The following PHF24 variants were observed in gnomAD, a reference collection of about 807,000 sequenced individuals.
The protein encoded by PHF24 is PHD finger protein 24, also known as Galpha inhibitory interacting protein.
A neutral mutation model predicts 42.6 loss-of-function variants in PHF24; 25 were observed. That is an observed-to-expected ratio of 0.59 (90% CI 0.43 to 0.82). The LOEUF is 0.82. PHF24 is among the 40% of genes least tolerant of loss of function. The pLI is 0.00. For synonymous variants in PHF24, 185 were observed against 204.8 expected (o/e 0.90, Z 0.83); for missense variants, 470 against 538.1 (o/e 0.87, Z 1.25).
chr9:34,876,124 A>G, the PHF24 span, among the ~76,000 whole-genome samples: 1 of 152,128 alleles, frequency 6.6e-6, no homozygotes, highest in Admixed American at 6.6e-5. Flanking sequence ...TACACTTACC[A>G]TATGACCTAG....
At chr9:34,859,513 C>T in the PHF24 span, among the ~76,000 whole-genome samples, 1 of 152,142 alleles carries the variant, frequency 6.6e-6, no homozygotes, top group South Asian at 2.1e-4. Flanking sequence ...TTTTCTAGAC[C>T]TTTGACTGTT....
the PHF24 span, among the ~76,000 whole-genome samples, chr9:34,770,835 C>T: frequency 7.9e-5 from 12 of 151,230 alleles, no homozygotes; most frequent in Non-Finnish European, 1.2e-4. Context: ...TTATTGTGGC[C>T]GGGCATGGTG....
the PHF24 span, among the ~76,000 whole-genome samples, chr9:34,687,819 G>C: frequency 0.27 from 41,057 of 152,120 alleles, 5,595 homozygotes; most frequent in South Asian, 0.31. Flanking sequence ...TGCGGGGCAC[G>C]GGGTCCACAG....
chr9:34,946,102 A>G, the PHF24 span, among the ~76,000 whole-genome samples: 1 of 152,232 alleles, frequency 6.6e-6, no homozygotes, highest in East Asian at 1.9e-4. Flanking sequence ...GAGATAGGAA[A>G]GGCATATTCT....
intron 1 of PHF24, among the ~76,000 whole-genome samples, chr9:34,968,134 G>A (rs1239828689): frequency 2.0e-5 from 3 of 152,152 alleles, no homozygotes; most frequent in African/African-American, 7.2e-5. Flanking sequence ...TGCTATTTTT[G>A]TTAATATGTT....
At chr9:34,960,319 A>G (rs111553868) in intron 1 of PHF24, among the ~76,000 whole-genome samples, 60 of 152,314 alleles carry the variant, frequency 3.9e-4, no homozygotes, top group African/African-American at 1.3e-3. Flanking sequence ...CTGGAATTAC[A>G]TAGTGAGGAG....
At chr9:34,670,517 ACT>A in the PHF24 span, among the ~76,000 whole-genome samples, 14 of 151,654 alleles carry the variant, frequency 9.2e-5, no homozygotes, top group East Asian at 2.7e-3. Flanking sequence ...TGTGGAGGAA[ACT>A]CTTTTCTCTT....
chr9:34,950,637 G>A, the PHF24 span, among the ~76,000 whole-genome samples: 1 of 152,072 alleles, frequency 6.6e-6, no homozygotes, highest in Non-Finnish European at 1.5e-5. Flanking sequence ...ACAACACTGT[G>A]AATGTATTAA....
the PHF24 span, among the ~76,000 whole-genome samples, chr9:34,698,072 G>A: frequency 9.2e-5 from 14 of 152,150 alleles, no homozygotes; most frequent in African/African-American, 3.4e-4. Flanking sequence ...GAAATAGATG[G>A]ACAGCTTACT....
At chr9:34,840,952 A>G in the PHF24 span, among the ~76,000 whole-genome samples, 4 of 152,036 alleles carry the variant, frequency 2.6e-5, no homozygotes, top group African/African-American at 9.7e-5. Context: ...CAATGTTTAT[A>G]TTGCCTAATT....
chr9:34,804,275 T>G, the PHF24 span, among the ~76,000 whole-genome samples: 8 of 152,268 alleles, frequency 5.3e-5, no homozygotes, highest in East Asian at 1.5e-3. Context: ...TGAGGTGATG[T>G]GAGGAAGGAG....
chr9:34,982,016 A>G (rs914715350), exon 8 of PHF24: 1 of 152,150 alleles, frequency 6.6e-6, no homozygotes, highest in Non-Finnish European at 1.5e-5. Context: ...AGGTTACAGA[A>G]TTTCGGCTAG....
chr9:34,672,122 T>C, the PHF24 span, among the ~76,000 whole-genome samples: 141,810 of 152,204 alleles, frequency 0.93, 66,305 homozygotes, highest in Non-Finnish European at 0.98. Flanking sequence ...TGTTTTTGTT[T>C]ATGCAGACCA....
the PHF24 span, chr9:34,723,892 G>A: frequency 1.3e-6 from 2 of 1,551,598 alleles, no homozygotes; most frequent in African/African-American, 1.4e-5. Context: ...TAAGCTGAGG[G>A]TGATGCTGGG....
At chr9:34,733,754 C>T in the PHF24 span, among the ~76,000 whole-genome samples, 1 of 152,086 alleles carries the variant, frequency 6.6e-6, no homozygotes, top group Non-Finnish European at 1.5e-5. Flanking sequence ...CCTCCTGCCT[C>T]GGCCCTCCAA....
the PHF24 span, among the ~76,000 whole-genome samples, chr9:34,823,173 G>A: frequency 3.1e-4 from 41 of 132,514 alleles, no homozygotes; most frequent in Middle Eastern, 4.5e-3. Flanking sequence ...TCCGCAGTCC[G>A]GCCTGGGCGA....
chr9:34,747,181 G>T, the PHF24 span, among the ~76,000 whole-genome samples: 4 of 152,106 alleles, frequency 2.6e-5, no homozygotes, highest in East Asian at 1.9e-4. Context: ...ACTGTGGGTT[G>T]GGGGGTGGGG....
chr9:34,918,259 A>G, the PHF24 span: 4 of 1,474,448 alleles, frequency 2.7e-6, no homozygotes, highest in African/African-American at 1.4e-5. Context: ...TGTCTTCTCA[A>G]TGAAACTGGT....
At chr9:34,799,461 A>C in the PHF24 span, among the ~76,000 whole-genome samples, 18 of 152,348 alleles carry the variant, frequency 1.2e-4, no homozygotes, top group Non-Finnish European at 2.1e-4. Context: ...TTGTTATTAT[A>C]ACTTATTAAT....
Sources: gnomAD v4.1 joint callset for allele counts (sites outside exome capture counted in the v4.1 genomes callset) on GRCh38, gnomAD v4.1.1 for gene constraint, MANE v1.5 for transcripts, NCBI Gene and HGNC (gene_info 2026-07-23, HGNC 2026-07-21) for gene names.